IMMP2L: variants seen among roughly 807,000 people sequenced by gnomAD.
The protein encoded by IMMP2L is inner mitochondrial membrane peptidase subunit 2.
In IMMP2L, 18 loss-of-function variants were observed where a neutral mutation model predicts 19.3. The observed-to-expected ratio is 0.93, with a 90% CI of 0.64 to 1.38. The LOEUF (loss-of-function observed/expected upper bound fraction) is 1.38. Ranked by LOEUF, IMMP2L falls within the 40% of genes most tolerant of loss-of-function variation. IMMP2L has a pLI of 0.00. For synonymous variants in IMMP2L, 76 were observed against 73.0 expected (o/e 1.04, Z -0.21); for missense variants, 233 against 218.2 (o/e 1.07, Z -0.43).
At chr7:110,687,074 C>A (rs1793167317) in intron 5 of IMMP2L, among the ~76,000 whole-genome samples, 1 of 152,042 alleles carries the variant, frequency 6.6e-6, no homozygotes, top group African/African-American at 2.4e-5. Context: ...ATTCAGTGCC[C>A]ATCAAATCTT....
chr7:110,866,958 A>T (rs1250801513), intron 5 of IMMP2L, among the ~76,000 whole-genome samples: 5 of 152,084 alleles, frequency 3.3e-5, no homozygotes, highest in African/African-American at 4.8e-5. Context: ...ACGTACAAAA[A>T]ATATATATAT....
intron 4 of IMMP2L, among the ~76,000 whole-genome samples, chr7:110,930,028 A>C (rs150601587): frequency 6.6e-6 from 1 of 152,190 alleles, no homozygotes; most frequent in Admixed American, 6.5e-5. Context: ...CAGGAGAAGT[A>C]ATCAGTTCTG....
chr7:110,780,008 C>T (rs999817825), intron 5 of IMMP2L, among the ~76,000 whole-genome samples: 12 of 151,868 alleles, frequency 7.9e-5, no homozygotes, highest in Admixed American at 2.6e-4. Context: ...GGTACTGTCA[C>T]GAACATATCT....
At chr7:110,821,779 T>C (rs1320187422) in intron 5 of IMMP2L, among the ~76,000 whole-genome samples, 1 of 151,830 alleles carries the variant, frequency 6.6e-6, no homozygotes, top group African/African-American at 2.4e-5. Flanking sequence ...AAAAATTACC[T>C]GGGCGTGGTG....
At chr7:110,836,145 T>C (rs1584977488) in intron 5 of IMMP2L, among the ~76,000 whole-genome samples, 1 of 152,166 alleles carries the variant, frequency 6.6e-6, no homozygotes, top group East Asian at 1.9e-4. Flanking sequence ...ATGAAATCTC[T>C]GTAAGAGCAA....
chr7:111,143,417 A>G (rs949167772), intron 3 of IMMP2L, among the ~76,000 whole-genome samples: 2 of 152,176 alleles, frequency 1.3e-5, no homozygotes, highest in African/African-American at 4.8e-5. Context: ...AAATAAATCC[A>G]TAACAACAGG....
At chr7:111,024,225 G>A (rs1024974111) in intron 3 of IMMP2L, among the ~76,000 whole-genome samples, 4 of 152,130 alleles carry the variant, frequency 2.6e-5, no homozygotes, top group Admixed American at 6.6e-5. Context: ...GAAATAAATA[G>A]CATATATTTA....
chr7:111,411,090 TAA>T (rs536367628), intron 3 of IMMP2L, among the ~76,000 whole-genome samples: 42 of 78,838 alleles, frequency 5.3e-4, no homozygotes, highest in African/African-American at 1.6e-3. Context: ...ATCAAATTGC[TAA>T]AAAAAAAAAA....
At chr7:111,551,213 A>C (rs1375946027) in intron 1 of IMMP2L, among the ~76,000 whole-genome samples, 1 of 152,206 alleles carries the variant, frequency 6.6e-6, no homozygotes, top group Non-Finnish European at 1.5e-5. Context: ...TTCAAAGGAA[A>C]GATATATAAA....
At chr7:111,007,154 A>T (rs1031429977) in intron 3 of IMMP2L, among the ~76,000 whole-genome samples, 1 of 152,158 alleles carries the variant, frequency 6.6e-6, no homozygotes. Flanking sequence ...CACCTTCTTC[A>T]CATGGTGGCA....
intron 5 of IMMP2L, among the ~76,000 whole-genome samples, chr7:110,881,090 A>G (rs1290048407): frequency 6.6e-6 from 1 of 152,150 alleles, no homozygotes; most frequent in Admixed American, 6.6e-5. Context: ...TGTCTTAATT[A>G]CAGCAACAAA....
At chr7:111,137,503 C>T (rs1441126676) in intron 3 of IMMP2L, among the ~76,000 whole-genome samples, 1 of 152,056 alleles carries the variant, frequency 6.6e-6, no homozygotes, top group Non-Finnish European at 1.5e-5. Context: ...CTATTTCATA[C>T]ACTCAGACCA....
chr7:111,359,348 C>T (rs1584788690), intron 3 of IMMP2L, among the ~76,000 whole-genome samples: 2 of 152,202 alleles, frequency 1.3e-5, no homozygotes, highest in East Asian at 3.9e-4. Context: ...GTCACCCAGG[C>T]TGGAGTGCAG....
chr7:110,663,670 C>G lies in IMMP2L; in HGVS notation c.460G>C (p.Glu154Gln). Residue 154 changes from glutamate to glutamine, a missense_variant, in exon 6 of 6, where the codon GAG becomes CAG. Physicochemically the swap from Glu to Gln is conservative, Grantham distance 29. Transcript: ENST00000405709. ...AHATHILWPP[E>Q]RWQKLESVLP... ...ACAGATTCCAATTTCTGCCAGCGCT[C>G]TGGGGGCCACAGGATATGTGTGGCA... is the stretch of plus-strand genomic sequence containing the variant. 1 of 1,610,356 alleles carries G rather than the reference C, an allele frequency of 6.2e-7. No homozygotes were observed. The highest frequency in any genetic ancestry group is 8.5e-7 in the Non-Finnish European group (1 of 1,177,606).
At chr7:110,846,790 T>C (rs929224215) in intron 5 of IMMP2L, among the ~76,000 whole-genome samples, 5 of 152,188 alleles carry the variant, frequency 3.3e-5, no homozygotes, top group African/African-American at 7.2e-5. Flanking sequence ...TTAGCTGTTA[T>C]TCAAATCCTT....
chr7:111,386,943 A>C (rs1415052700), intron 3 of IMMP2L, among the ~76,000 whole-genome samples: 1 of 152,194 alleles, frequency 6.6e-6, no homozygotes, highest in Non-Finnish European at 1.5e-5. Context: ...AAGAGATTTA[A>C]ACAAGATAAT....
chr7:111,328,372 C>T (rs188916010), intron 3 of IMMP2L, among the ~76,000 whole-genome samples: 5 of 151,824 alleles, frequency 3.3e-5, no homozygotes, highest in African/African-American at 1.2e-4. Flanking sequence ...TAGGAGCCCA[C>T]AGAATGATAC....
At position 111,437,195 on chromosome 7, in the gene IMMP2L, CA is replaced by C. The variant is rs1014577499; in HGVS notation, c.239+50042del. Among the ~76,000 whole-genome samples the C allele has an allele frequency of 4.0e-5, 6 of 151,750 alleles. 1 individual carries two copies. The highest frequency in any genetic ancestry group is 3.9e-4 in the Admixed American group (6 of 15,252). On this transcript the variant is annotated intron_variant, in intron 3 of 5. Coordinates refer to ENST00000405709, the MANE Select transcript of IMMP2L (RefSeq NM_032549.4). ...ACACGGTGGCTCGTGCCTGTAATCC[CA>C]GCACTTTGGGAGGCCAAGGCGGGTG...
At chr7:111,203,435 T>C (rs1355332987) in intron 3 of IMMP2L, among the ~76,000 whole-genome samples, 1 of 152,024 alleles carries the variant, frequency 6.6e-6, no homozygotes. Flanking sequence ...GCAAGATAGA[T>C]ACAGATTATT....
Sources: allele counts gnomAD v4.1 joint callset (sites outside exome capture counted in the v4.1 genomes callset), GRCh38; gene constraint gnomAD v4.1.1; transcripts MANE v1.5; gene names NCBI Gene and HGNC (gene_info 2026-07-23, HGNC 2026-07-21).